The following TFB1M variants were observed in gnomAD, a reference collection of about 807,000 sequenced individuals.
TFB1M encodes the protein transcription factor B1, mitochondrial, also known as dimethyladenosine transferase 1, mitochondrial.
In TFB1M, 27 loss-of-function variants were observed where a neutral mutation model predicts 31.1. The observed-to-expected ratio is 0.87, with a 90% CI of 0.64 to 1.20. The LOEUF (loss-of-function observed/expected upper bound fraction) is 1.20. TFB1M is among the 50% of genes most tolerant of loss of function. The pLI is 0.00. For missense variants in TFB1M, 394 were observed against 418.7 expected (o/e 0.94, Z 0.51); for synonymous variants, 166 against 151.8 (o/e 1.09, Z -0.69).
chr6:155,250,535 C>T, the TFB1M span: 1 of 1,535,738 alleles, frequency 6.5e-7, no homozygotes, highest in Non-Finnish European at 8.7e-7. Flanking sequence ...GCTCTTTTAT[C>T]AGCAGCCCGA....
At chr6:155,237,772 G>A in the TFB1M span, among the ~76,000 whole-genome samples, 1 of 152,172 alleles carries the variant, frequency 6.6e-6, no homozygotes, top group Admixed American at 6.5e-5. Flanking sequence ...GGGACTCAGG[G>A]CACCAATTCC....
At chr6:155,243,846 C>CAAAAAAAAAAAAAAAAAAAAA in the TFB1M span, among the ~76,000 whole-genome samples, 1 of 55,024 alleles carries the variant, frequency 1.8e-5, no homozygotes, top group African/African-American at 8.1e-5. Flanking sequence ...GACTCCGTCT[C>CAAAAAAAAAAAAAAAAAAAAA]AAAAAAAAAA....
chr6:155,244,522 T>A, the TFB1M span: 1 of 1,070,676 alleles, frequency 9.3e-7, no homozygotes, highest in Non-Finnish European at 1.3e-6. Context: ...GAATGTGCTG[T>A]CTTCTTAAAG....
chr6:155,278,471 G>A (rs2114720850), intron 5 of TFB1M, among the ~76,000 whole-genome samples: 1 of 152,316 alleles, frequency 6.6e-6, no homozygotes, highest in Non-Finnish European at 1.5e-5. Flanking sequence ...TGGGAGGTGT[G>A]GTGTCATTTT....
At chr6:155,278,829 C>G (rs1275445845) in intron 5 of TFB1M, among the ~76,000 whole-genome samples, 1 of 152,174 alleles carries the variant, frequency 6.6e-6, no homozygotes, top group Non-Finnish European at 1.5e-5. Context: ...CCTCAGAGTT[C>G]TCGTGGGGAT....
At chr6:155,268,575 G>A (rs1784767373) in intron 5 of TFB1M, among the ~76,000 whole-genome samples, 1 of 152,152 alleles carries the variant, frequency 6.6e-6, no homozygotes, top group South Asian at 2.1e-4. Context: ...ACATCACTAA[G>A]CAACACCACA....
chr6:155,301,561 G>A (rs1777432488), intron 2 of TFB1M, among the ~76,000 whole-genome samples: 1 of 152,192 alleles, frequency 6.6e-6, no homozygotes, highest in African/African-American at 2.4e-5. Context: ...TGTGCTTAAA[G>A]GCACAGCCAA....
At chr6:155,288,847 C>A (rs1304568008) in intron 4 of TFB1M, among the ~76,000 whole-genome samples, 1 of 152,132 alleles carries the variant, frequency 6.6e-6, no homozygotes, top group Non-Finnish European at 1.5e-5. Context: ...TTCTATCAAC[C>A]TCAAATATAC....
chr6:155,261,033 T>A, intron 5 of TFB1M: 1 of 156,398 alleles, frequency 6.4e-6, no homozygotes, highest in Non-Finnish European at 1.4e-5. Context: ...TACTGCCAGC[T>A]GTGGAGATTC....
At chr6:155,280,871 T>C (rs926321682) in intron 5 of TFB1M, among the ~76,000 whole-genome samples, 1 of 152,192 alleles carries the variant, frequency 6.6e-6, no homozygotes, top group Non-Finnish European at 1.5e-5. Context: ...TCTAAAACGC[T>C]CTTCAAAAGT....
chr6:155,259,543 C>T (rs1784294064), intron 6 of TFB1M, among the ~76,000 whole-genome samples: 1 of 152,234 alleles, frequency 6.6e-6, no homozygotes, highest in African/African-American at 2.4e-5. Context: ...TACAATGAAG[C>T]CATGTGAGGA....
At chr6:155,252,771 G>C (rs1562375617), downstream of TFB1M, 3 of 582,784 alleles carry the variant, frequency 5.1e-6, no homozygotes, top group Non-Finnish European at 6.1e-6. Context: ...ACCTTCCCTA[G>C]CATGTGAGGT....
the TFB1M span, chr6:155,244,849 A>C: frequency 6.7e-7 from 1 of 1,501,246 alleles, no homozygotes; most frequent in Non-Finnish European, 8.9e-7. Context: ...CTCTCATGAG[A>C]ATTCTCTCAT....
downstream of TFB1M, chr6:155,252,952 C>T (rs757933624): frequency 2.4e-5 from 39 of 1,614,100 alleles, 1 homozygote; most frequent in South Asian, 3.3e-5. Context: ...TTACAGCCCT[C>T]GAATTCCCGG....
At chr6:155,262,205 C>T (rs1784424340) in intron 5 of TFB1M, among the ~76,000 whole-genome samples, 1 of 152,038 alleles carries the variant, frequency 6.6e-6, no homozygotes, top group Admixed American at 6.6e-5. Flanking sequence ...GTGGTTTCAG[C>T]TCAGGGCAGT....
chr6:155,310,813 CA>C (rs1198459212), intron 2 of TFB1M: 2 of 206,908 alleles, frequency 9.7e-6, no homozygotes, highest in Non-Finnish European at 2.0e-5. Flanking sequence ...ATGAAGTTCT[CA>C]AAAGTCATAC....
At chr6:155,301,952 T>C (rs1777450365) in intron 2 of TFB1M, among the ~76,000 whole-genome samples, 1 of 152,186 alleles carries the variant, frequency 6.6e-6, no homozygotes, top group South Asian at 2.1e-4. Flanking sequence ...ACAATGCCTT[T>C]AATACAAGTT....
intron 5 of TFB1M, chr6:155,275,666 C>A: frequency 6.7e-6 from 10 of 1,489,278 alleles, no homozygotes; most frequent in Non-Finnish European, 9.2e-6. Context: ...ATTCTGACAG[C>A]CATCATTGTT....
Position 155,257,283 on chromosome 6 carries a change from T to C in TFB1M, c.*553A>G. 1 of 816,030 alleles carries C rather than the reference T, an allele frequency of 1.2e-6. No individual in the cohort carries two copies. The highest frequency in any genetic ancestry group is 1.9e-6 in the Non-Finnish European group (1 of 538,744). The allele number at this position is 816,030 out of a possible 1,614,324, so 50.5% of individuals were successfully genotyped here. ...GTTGTAAAGATTTAAGTTATTTTAATTTATTGTGGATCAGAAACCTAGATG... is the reference window on the plus strand; with the variant it reads ...GTTGTAAAGATTTAAGTTATTTTAACTTATTGTGGATCAGAAACCTAGATG... On this transcript the variant is annotated 3_prime_UTR_variant, in exon 7 of 7. Coordinates refer to ENST00000367166, the MANE Select transcript of TFB1M (RefSeq NM_016020.4).
Sources: allele counts gnomAD v4.1 joint callset (sites outside exome capture counted in the v4.1 genomes callset), GRCh38; gene constraint gnomAD v4.1.1; transcripts MANE v1.5; gene names NCBI Gene and HGNC (gene_info 2026-07-23, HGNC 2026-07-21).